Variants in BCAS3 observed in about 807,000 individuals in gnomAD.
The protein encoded by BCAS3 is BCAS4/BCAS3 fusion.
BCAS3 carries 53 observed loss-of-function variants against 116.1 expected under a neutral mutation model. That is an observed-to-expected ratio of 0.46 (90% CI 0.37 to 0.57). The LOEUF is 0.57. Ranked by LOEUF, BCAS3 falls within the 20% of genes least tolerant of loss-of-function variation. The pLI, the probability that BCAS3 is intolerant of heterozygous loss-of-function variation, is 0.00. For synonymous variants in BCAS3, 391 were observed against 408.2 expected (o/e 0.96, Z 0.51); for missense variants, 917 against 1,165.4 (o/e 0.79, Z 3.10).
At chr17:60,814,858 A>T (rs201055669) in intron 7 of BCAS3, among the ~76,000 whole-genome samples, 2 of 152,208 alleles carry the variant, frequency 1.3e-5, no homozygotes, top group Non-Finnish European at 2.9e-5. Flanking sequence ...CACTAATTTC[A>T]GGAACACTAT....
chr17:61,153,734 C>T (rs2077670966), intron 22 of BCAS3, among the ~76,000 whole-genome samples: 1 of 151,774 alleles, frequency 6.6e-6, no homozygotes, highest in Admixed American at 6.6e-5. Context: ...CTTGTTTTTT[C>T]GTTTGTTTGG....
chr17:60,869,746 C>T (rs1267934300), intron 8 of BCAS3, among the ~76,000 whole-genome samples: 1 of 152,092 alleles, frequency 6.6e-6, no homozygotes, highest in Non-Finnish European at 1.5e-5. Context: ...TGTTAAACAA[C>T]GTTATTGAAT....
rs905914404 is a variant in BCAS3, at chr17:61,327,444, C to T, written c.2426-40883C>T. Among the ~76,000 whole-genome samples the T allele has an allele frequency of 6.6e-6, 1 of 151,868 alleles. No homozygotes were observed. Among genetic ancestry groups the T allele is most frequent in the Non-Finnish European group, 1.5e-5 (1 of 68,000 alleles). On this transcript the variant is annotated intron_variant, in intron 22 of 23. Coordinates refer to ENST00000407086, the MANE Select transcript of BCAS3 (RefSeq NM_017679.5). This position sits in a 1 kb window ranked among gnomAD's most constrained non-coding sequence, Gnocchi z 5.9. ...ATGACATCATAGAATTGTAATGAGA[C>T]TATATTGAGGGTTAGATAACAGGCA...
intron 19 of BCAS3, among the ~76,000 whole-genome samples, chr17:61,057,201 A>G (rs747656943): frequency 2.0e-5 from 3 of 152,202 alleles, no homozygotes; most frequent in Non-Finnish European, 4.4e-5. Flanking sequence ...TGTGGTGTTA[A>G]AAGGTGTGTT....
rs533852060 is a variant in BCAS3 at position 61,215,015 on chromosome 17, A to T, written c.2425+130451A>T. On this transcript the variant is annotated intron_variant, in intron 22 of 23. Transcript: ENST00000407086. The surrounding 1 kb of genome is among the most constrained non-coding windows in gnomAD (Gnocchi z 4.8). ...CACCCACTAGATAGAACTAATCAGG[A>T]TCTCTTTTGATCACTGGAGCAGATA... Among the ~76,000 whole-genome samples, 2 of 152,312 alleles carry T rather than the reference A, an allele frequency of 1.3e-5. No homozygotes were observed. Among genetic ancestry groups the T allele is most frequent in the South Asian group, 4.1e-4 (2 of 4,820 alleles).
intron 22 of BCAS3, among the ~76,000 whole-genome samples, chr17:61,115,145 A>G (rs951468616): frequency 6.6e-5 from 10 of 151,906 alleles, no homozygotes; most frequent in African/African-American, 2.4e-4. Context: ...CCCTAGAAGA[A>G]AACCTAGGCA....
chr17:61,162,983 C>T lies in BCAS3; in HGVS notation c.2425+78419C>T, dbSNP rs1297264678. ...TTACTTTGGGAAAAGATCAAGGCAA[C>T]ATTCTATTCACATTCGTTCAGCAAA... On this transcript the variant is annotated intron_variant, in intron 22 of 23. Coordinates refer to ENST00000407086, the MANE Select transcript of BCAS3 (RefSeq NM_017679.5). The surrounding 1 kb of genome is among the most constrained non-coding windows in gnomAD (Gnocchi z 5.6). Among the ~76,000 whole-genome samples, 2 of 152,152 alleles carry T rather than the reference C, an allele frequency of 1.3e-5. No individual in the cohort carries two copies. The highest frequency in any genetic ancestry group is 2.9e-5 in the Non-Finnish European group (2 of 68,032).
At chr17:61,016,472 C>G (rs552279585) in intron 16 of BCAS3, among the ~76,000 whole-genome samples, 1 of 152,242 alleles carries the variant, frequency 6.6e-6, no homozygotes, top group Non-Finnish European at 1.5e-5. Context: ...TGATTACTCA[C>G]TTGATTTATT....
intron 7 of BCAS3, among the ~76,000 whole-genome samples, chr17:60,862,831 AT>A (rs74664028): frequency 0.03 from 4,592 of 150,580 alleles, 180 homozygotes; most frequent in East Asian, 0.091. Flanking sequence ...TCAGATATAT[AT>A]TTTTGCATTT....
At chr17:60,895,254 A>T (rs1193156328) in intron 10 of BCAS3, among the ~76,000 whole-genome samples, 1 of 151,974 alleles carries the variant, frequency 6.6e-6, no homozygotes, top group East Asian at 1.9e-4. Flanking sequence ...GTCTGCTCAG[A>T]TTTCTGTTTT....
At chr17:61,000,406 T>TTCC (rs1297972572) in intron 15 of BCAS3, among the ~76,000 whole-genome samples, 1 of 152,206 alleles carries the variant, frequency 6.6e-6, no homozygotes, top group Non-Finnish European at 1.5e-5. Context: ...CTTCCATGAT[T>TTCC]TCCTAACTCT....
intron 22 of BCAS3, among the ~76,000 whole-genome samples, chr17:61,117,580 G>T (rs1292544499): frequency 1.3e-5 from 2 of 152,154 alleles, no homozygotes; most frequent in African/African-American, 4.8e-5. Context: ...GAGTGACACA[G>T]CAAGCCCCTG....
chr17:60,742,291 CAAAG>C (rs1161607950), intron 5 of BCAS3, among the ~76,000 whole-genome samples: 1 of 152,128 alleles, frequency 6.6e-6, no homozygotes, highest in East Asian at 1.9e-4. Flanking sequence ...CAGTCAAAGA[CAAAG>C]TGTGGATCCC....
intron 4 of BCAS3, among the ~76,000 whole-genome samples, chr17:60,702,382 A>T (rs1003098412): frequency 6.6e-6 from 1 of 152,166 alleles, no homozygotes; most frequent in Non-Finnish European, 1.5e-5. Flanking sequence ...TAATTGTAAA[A>T]CTATAAACCT....
chr17:61,310,502 C>T (rs1194055236), intron 22 of BCAS3, among the ~76,000 whole-genome samples: 1 of 150,400 alleles, frequency 6.6e-6, no homozygotes, highest in Non-Finnish European at 1.5e-5. Context: ...TGCAGTGAGC[C>T]GAGATCGTGC....
chr17:60,795,919 A>C (rs888369220), intron 6 of BCAS3, among the ~76,000 whole-genome samples: 1 of 152,044 alleles, frequency 6.6e-6, no homozygotes, highest in African/African-American at 2.4e-5. Context: ...CGAACTCCTG[A>C]CCTCAAGTGA....
intron 19 of BCAS3, among the ~76,000 whole-genome samples, chr17:61,046,046 T>TA (rs1238570561): frequency 5.7e-5 from 1 of 17,620 alleles, no homozygotes; most frequent in Non-Finnish European, 8.0e-5. Context: ...TATATATATA[T>TA]AATATATATA....
In BCAS3 at chr17:61,098,628, G is replaced by T. The variant is rs1044342795; in HGVS notation, c.2425+14064G>T. Among the ~76,000 whole-genome samples, 1 of 152,138 alleles carries T rather than the reference G, an allele frequency of 6.6e-6. No individual in the cohort carries two copies. The highest frequency in any genetic ancestry group is 1.5e-5 in the Non-Finnish European group (1 of 68,030). ...GTGGTATGCTGCAAAAAGGAATTCG[G>T]TTAGCAGATTTTATGGCATCCATGA... On this transcript the variant is annotated intron_variant, in intron 22 of 23. Coordinates refer to ENST00000407086, the MANE Select transcript of BCAS3 (RefSeq NM_017679.5). The surrounding 1 kb of genome is among the most constrained non-coding windows in gnomAD (Gnocchi z 4.2).
chr17:60,884,897 G>A (rs1209459935), intron 9 of BCAS3, among the ~76,000 whole-genome samples: 3 of 127,612 alleles, frequency 2.4e-5, no homozygotes, highest in East Asian at 2.1e-4. Context: ...GTGTGGTGTG[G>A]TGCTGAAAAA....
Sources: gnomAD v4.1 joint callset for allele counts (sites outside exome capture counted in the v4.1 genomes callset) on GRCh38, gnomAD v4.1.1 for gene constraint, Gnocchi (gnomAD v3.1) non-coding constraint, MANE v1.5 for transcripts, NCBI Gene and HGNC (gene_info 2026-07-23, HGNC 2026-07-21) for gene names.